The following GOLGA6L2 variants were observed in gnomAD, a reference collection of about 807,000 sequenced individuals.
The protein encoded by GOLGA6L2 is golgin subfamily A member 6-like protein 2.
In GOLGA6L2, 30 loss-of-function variants were observed where a neutral mutation model predicts 35.9. That is an observed-to-expected ratio of 0.83 (90% CI 0.62 to 1.13). GOLGA6L2 has a LOEUF of 1.13. GOLGA6L2 is among the 50% of genes most tolerant of loss of function. The pLI is 0.00. For synonymous variants in GOLGA6L2, 297 were observed against 344.0 expected (o/e 0.86, Z 1.51); for missense variants, 821 against 973.4 (o/e 0.84, Z 2.08).
chr15:23,441,913 A>G (rs1371136482), intron 7 of GOLGA6L2, 66 bp downstream of exon 7: 7 of 1,510,556 alleles, frequency 4.6e-6, no homozygotes, highest in Non-Finnish European at 6.2e-6. Context: ...CATACCTTGC[A>G]TGATCCCTAG....
rs1490197718 is a variant in GOLGA6L2, at chr15:23,447,133, T to C, written c.49A>G (p.Thr17Ala). Reference protein sequence around the residue: ...LPPHPMMSEKTRQNKLAEAKK... With the variant: ...LPPHPMMSEKARQNKLAEAKK... Reference sequence around the variant, plus strand: ...GCCTCAGCCAATTTGTTCTGTCTGGTTTTTTCTGACATCATGGGGTGGGGA... The same window carrying C: ...GCCTCAGCCAATTTGTTCTGTCTGGCTTTTTCTGACATCATGGGGTGGGGA... The change falls in exon 1 of 8, where the codon ACC becomes GCC. Residue 17 changes from threonine (T) to alanine (A), a missense_variant. Physicochemically the swap from Thr to Ala is moderately conservative, Grantham distance 58 (BLOSUM62 0). Transcript: ENST00000567107. The C allele has an allele frequency of 6.3e-7, 1 of 1,599,408 alleles. No individual in the cohort carries two copies. Among genetic ancestry groups the C allele is most frequent in the African/African-American group, 1.3e-5 (1 of 74,470 alleles).
rs2070617589 is a variant in GOLGA6L2 at position 23,439,153 on chromosome 15, C to CTTGT, written c.*591_*592insACAA. Among the ~76,000 whole-genome samples the CTTGT allele has an allele frequency of 1.4e-5, 2 of 138,762 alleles. No homozygotes were observed. The highest frequency in any genetic ancestry group is 4.3e-4 in the East Asian group (2 of 4,648). The allele number at this position is 138,762 out of a possible 152,430, so 91.0% of individuals were successfully genotyped here. A position where few individuals can be genotyped will look rare whatever the true frequency, so the allele number is the denominator to read the frequency against. On this transcript the variant is annotated 3_prime_UTR_variant, in exon 8 of 8. Coordinates refer to ENST00000567107, the MANE Select transcript of GOLGA6L2 (RefSeq NM_001304388.2). ...AGATATCAGAGTCCTCAGGTAGAAA[C>CTTGT]TTTTTTTTTTTTTTTGAGATGGAAT... is the stretch of plus-strand genomic sequence containing the variant.
At chr15:23,441,934 T>C (rs57599072) in intron 7 of GOLGA6L2, 45 bp downstream of exon 7, 1,305,646 of 1,532,778 alleles carry the variant, frequency 0.85, 558,132 homozygotes, top group Admixed American at 0.87. Flanking sequence ...ACCATGGTCC[T>C]AGCTGGATGG....
intron 1 of GOLGA6L2, among the ~76,000 whole-genome samples, chr15:23,446,856 C>T (rs548587049): frequency 5.2e-4 from 79 of 151,698 alleles, no homozygotes; most frequent in African/African-American, 1.8e-3. Flanking sequence ...GGGCGGAGTA[C>T]GGAGTGGAGA....
chr15:23,443,453 TA>T (rs1468645254), intron 5 of GOLGA6L2, among the ~76,000 whole-genome samples: 1 of 152,068 alleles, frequency 6.6e-6, no homozygotes, highest in Non-Finnish European at 1.5e-5. Flanking sequence ...GGTAACATAC[TA>T]AAGATACTCT....
chr15:23,444,403 G>T, intron 3 of GOLGA6L2, 68 bp downstream of exon 3: 1 of 1,539,888 alleles, frequency 6.5e-7, no homozygotes, highest in Non-Finnish European at 8.9e-7. Context: ...GGCGAGATGA[G>T]ACGGGCCTCT....
intron 7 of GOLGA6L2, 115 bp from the exon 8 acceptor site, chr15:23,441,797 TC>T: frequency 7.3e-7 from 1 of 1,365,840 alleles, no homozygotes; most frequent in South Asian, 1.6e-5. Flanking sequence ...GGTTCTGATT[TC>T]CCAGGCAGGG....
rs986637969 is a variant in GOLGA6L2, at chr15:23,439,714, T to G, written c.*31A>C. The stretch of plus-strand genomic sequence containing the variant: ...GAGAACCCTCCCCAGCCTCTCCTCC[T>G]GCAGGCTCCACACTGCCAGTGTGGC... On this transcript the variant is annotated 3_prime_UTR_variant, in exon 8 of 8. Coordinates refer to ENST00000567107, the MANE Select transcript of GOLGA6L2 (RefSeq NM_001304388.2). 1.2e-4 allele frequency: 188 copies of G among 1,537,114 alleles called. No homozygotes were observed. The highest frequency in any genetic ancestry group is 1.6e-4 in the Non-Finnish European group (182 of 1,147,126).
At position 23,443,777 on chromosome 15, in the gene GOLGA6L2, C is replaced by T; in HGVS notation, c.591G>A (p.Arg197=). ...AVSTWHKKAD[R]YIEELTKERD... is the part of the protein sequence containing the mutation. ...AGACTGGGGAGGTGATTGGACTTACCCTGTCTGCCTTCTTGTGCCATGTGG... is the reference window on the plus strand; with the variant it reads ...AGACTGGGGAGGTGATTGGACTTACTCTGTCTGCCTTCTTGTGCCATGTGG... The change falls in exon 5 of 8, where the codon AGG becomes AGA. Residue 197 remains arginine, a splice_region_variant and synonymous_variant. Transcript: ENST00000567107. 6.5e-7 allele frequency: 1 copy of T among 1,536,280 alleles called. No individual in the cohort carries two copies. Among genetic ancestry groups the T allele is most frequent in the Non-Finnish European group, 8.7e-7 (1 of 1,146,808 alleles).
At chr15:23,445,519 T>C in intron 1 of GOLGA6L2, 81 bp from the exon 2 acceptor site, 1 of 317,700 alleles carries the variant, frequency 3.1e-6, no homozygotes, top group South Asian at 3.2e-5. Flanking sequence ...AATACTCTCA[T>C]AGACGATCTG....
In GOLGA6L2 at chr15:23,441,448, G is replaced by GCTC. The variant is rs1476628965; in HGVS notation, c.1026_1027insGAG (p.Lys342_Leu343insGlu). On this transcript the variant is annotated inframe_insertion, in exon 8 of 8. Transcript: ENST00000567107. The stretch of plus-strand genomic sequence containing the variant: ...TGCATCTGCTCCTCCTGCTCCCGCA[G>GCTC]CTTCTTCTGCTCCCGCAGCTCCTTC... The GCTC allele has an allele frequency of 8.6e-6, 12 of 1,391,192 alleles. No homozygotes were observed. Among genetic ancestry groups the GCTC allele is most frequent in the Admixed American group, 2.4e-5 (1 of 41,924 alleles). 86.2% of individuals were successfully genotyped at this position (1,391,192 alleles called of 1,614,324 possible).
In GOLGA6L2 at chr15:23,440,479, C is replaced by A; in HGVS notation, c.1996G>T (p.Glu666Ter). 3.3e-6 allele frequency: 1 copy of A among 302,626 alleles called. No homozygotes were observed. Among genetic ancestry groups the A allele is most frequent in the Non-Finnish European group, 4.5e-6 (1 of 224,370 alleles). 18.7% of individuals were successfully genotyped at this position (302,626 alleles called of 1,614,324 possible). Residue 666 changes from glutamate to a stop codon, truncating the protein, a stop_gained, in exon 8 of 8, where the codon GAA becomes TAA. Transcript: ENST00000567107. LOFTEE classifies it low-confidence loss of function (END_TRUNC). ...TCTTCTCTTCCTGCTCCCACATCTT[C>A]TCCTCCTGCTCCCGCATCTTCTCTT... ...AGREDAGAGG[E>*]DVGAGREDAG... is the part of the protein sequence containing the mutation.
At position 23,441,221 on chromosome 15, in the gene GOLGA6L2, C is replaced by T; in HGVS notation, c.1254G>A (p.Lys418=). The T allele has an allele frequency of 6.5e-7, 1 of 1,539,916 alleles. No homozygotes were observed. Among genetic ancestry groups the T allele is most frequent in the Non-Finnish European group, 8.7e-7 (1 of 1,146,576 alleles). ...GCATCTTCTCCACCTGCTCCCACAT[C>T]TTCTCCTGCTCCCGCATCCTCTCCT... ...EKEERMREQE[K]MWEQVEKMRE... is the part of the protein sequence containing the mutation. Residue 418 remains lysine (K), a synonymous_variant, in exon 8 of 8, where the codon AAG becomes AAA. Transcript: ENST00000567107.
At position 23,440,984 on chromosome 15, in the gene GOLGA6L2, C is replaced by T. The variant is rs1460246379; in HGVS notation, c.1491G>A (p.Lys497=). 8 of 1,531,490 alleles carry T rather than the reference C, an allele frequency of 5.2e-6. No individual in the cohort carries two copies. The highest frequency in any genetic ancestry group is 2.5e-5 in the East Asian group (1 of 39,996). 94.9% of individuals were successfully genotyped at this position (1,531,490 alleles called of 1,614,324 possible). A position where few individuals can be genotyped will look rare whatever the true frequency, so the allele number is the denominator to read the frequency against. ...EWQQQRLPEQ[K]EKLWEQEKMQ... is the part of the protein sequence containing the mutation. ...TCTTCTCCTGTTCCCACAGCTTCTC[C>T]TTCTGTTCCGGCAGCCTCTGCTGCT... Residue 497 remains lysine, a synonymous_variant, in exon 8 of 8, where the codon AAG becomes AAA. Transcript: ENST00000567107.
intron 5 of GOLGA6L2, among the ~76,000 whole-genome samples, chr15:23,442,950 T>C (rs1233691025): frequency 6.6e-6 from 1 of 152,156 alleles, no homozygotes; most frequent in East Asian, 1.9e-4. Context: ...ATATTGCTAT[T>C]GCTATTACTG....
At position 23,447,167 on chromosome 15, in the gene GOLGA6L2, G is replaced by T; in HGVS notation, c.15C>A (p.Pro5=). 1.3e-6 allele frequency: 2 copies of T among 1,579,668 alleles called. No homozygotes were observed. Among genetic ancestry groups the T allele is most frequent in the Non-Finnish European group, 1.7e-6 (2 of 1,151,992 alleles). Residue 5 remains proline (P), a synonymous_variant, in exon 1 of 8, where the codon CCC becomes CCA. Coordinates refer to ENST00000567107, the MANE Select transcript of GOLGA6L2 (RefSeq NM_001304388.2). MWPQ[P]HLPPHPMMSE... ...ACATCATGGGGTGGGGAGGGAGGTGGGGTTGGGGCCACATCAGCGTGATTC... is the reference window on the plus strand; with the variant it reads ...ACATCATGGGGTGGGGAGGGAGGTGTGGTTGGGGCCACATCAGCGTGATTC...
rs79404325 is a variant in GOLGA6L2 at position 23,441,297 on chromosome 15, C to T, written c.1178G>A (p.Arg393Gln). 152 of 1,536,020 alleles carry T rather than the reference C, an allele frequency of 9.9e-5. No individual in the cohort carries two copies. Among genetic ancestry groups the T allele is most frequent in the Non-Finnish European group, 8.4e-5 (96 of 1,145,954 alleles). ...CTCCCACATCCTCTCCTCTTGGTCC[C>T]GCATCTTCTGCTCCTGCTCCCGCAT... ...KQMREQEQKM[R>Q]DQEERMWEQD... Residue 393 changes from arginine (R) to glutamine (Q), a missense_variant, in exon 8 of 8, where the codon CGG becomes CAG. Coordinates refer to ENST00000567107, the MANE Select transcript of GOLGA6L2 (RefSeq NM_001304388.2).
chr15:23,439,472 G>A lies in GOLGA6L2; in HGVS notation c.*273C>T. The A allele has an allele frequency of 4.0e-6, 1 of 248,324 alleles. No individual in the cohort carries two copies. The highest frequency in any genetic ancestry group is 8.5e-5 in the East Asian group (1 of 11,782). 15.4% of individuals were successfully genotyped at this position (248,324 alleles called of 1,614,324 possible). On this transcript the variant is annotated 3_prime_UTR_variant, in exon 8 of 8. Transcript: ENST00000567107. ...CTTTTTTTTTTTTTTTTTCAAGTTT[G>A]TGCTCAGACTATATTCACACAGTGA...
intron 4 of GOLGA6L2, 22 bp from the exon 5 acceptor site, chr15:23,444,095 A>G (rs749460067): frequency 1.0e-5 from 16 of 1,581,938 alleles, no homozygotes; most frequent in Non-Finnish European, 1.3e-5. Context: ...AAGACAAGCA[A>G]GTGCTGAAAG....
Sources: gnomAD v4.1 joint callset for allele counts (sites outside exome capture counted in the v4.1 genomes callset) on GRCh38, gnomAD v4.1.1 for gene constraint, MANE v1.5 for transcripts, NCBI Gene and HGNC (gene_info 2026-07-23, HGNC 2026-07-21) for gene names.